Variants in ZDHHC14 observed in about 807,000 individuals in gnomAD.
ZDHHC14 encodes the protein zDHHC palmitoyltransferase 14, also known as palmitoyltransferase ZDHHC14.
ZDHHC14 carries 16 observed loss-of-function variants against 47.7 expected under a neutral mutation model. That is an observed-to-expected ratio of 0.34 (90% CI 0.23 to 0.51). The LOEUF is 0.51. ZDHHC14 is among the 20% of genes least tolerant of loss of function. ZDHHC14 has a pLI of 0.97. For synonymous variants in ZDHHC14, 293 were observed against 278.9 expected (o/e 1.05, Z -0.50); for missense variants, 515 against 662.5 (o/e 0.78, Z 2.44).
intron 1 of ZDHHC14, among the ~76,000 whole-genome samples, chr6:157,534,187 C>A (rs1326100216): frequency 6.6e-6 from 1 of 152,206 alleles, no homozygotes; most frequent in Non-Finnish European, 1.5e-5. Flanking sequence ...TCCCAAATCA[C>A]TACCCTGGAC....
chr6:157,630,505 C>T (rs1298308267), intron 4 of ZDHHC14: 1 of 152,148 alleles, frequency 6.6e-6, no homozygotes, highest in East Asian at 1.9e-4. Flanking sequence ...CTCATATATA[C>T]TCACCAATAC....
At chr6:157,655,501 G>A (rs752557853) in intron 8 of ZDHHC14, among the ~76,000 whole-genome samples, 4 of 152,216 alleles carry the variant, frequency 2.6e-5, no homozygotes, top group Non-Finnish European at 5.9e-5. Context: ...ACCATTCGCA[G>A]GTGCACAAGA....
chr6:157,662,904 T>C (rs1778405724), intron 8 of ZDHHC14, among the ~76,000 whole-genome samples: 1 of 152,252 alleles, frequency 6.6e-6, no homozygotes, highest in Non-Finnish European at 1.5e-5. Flanking sequence ...ATGTGTAATG[T>C]CTATGAGACA....
At chr6:157,620,166 G>T (rs1785130473) in intron 3 of ZDHHC14, among the ~76,000 whole-genome samples, 1 of 152,150 alleles carries the variant, frequency 6.6e-6, no homozygotes, top group Non-Finnish European at 1.5e-5. Flanking sequence ...GGTTCTGGAG[G>T]CTGGAAAGTC....
chr6:157,614,304 A>G (rs564265936), intron 3 of ZDHHC14, among the ~76,000 whole-genome samples: 1 of 150,840 alleles, frequency 6.6e-6, no homozygotes, highest in East Asian at 2.0e-4. Flanking sequence ...AGTCAACTTT[A>G]CCACATTTAC....
At chr6:157,525,074 C>G (rs1781109772) in intron 1 of ZDHHC14, among the ~76,000 whole-genome samples, 1 of 152,226 alleles carries the variant, frequency 6.6e-6, no homozygotes, top group Non-Finnish European at 1.5e-5. Flanking sequence ...GAGGATTCTC[C>G]TCTCAGCTCA....
chr6:157,514,492 A>G (rs1780607250), intron 1 of ZDHHC14, among the ~76,000 whole-genome samples: 1 of 152,228 alleles, frequency 6.6e-6, no homozygotes, highest in Non-Finnish European at 1.5e-5. Context: ...TGCCTATTAG[A>G]TTGCAGTGAT....
chr6:157,592,900 C>T (rs1783971382), intron 2 of ZDHHC14, 88 bp from the exon 3 acceptor site: 3 of 1,511,484 alleles, frequency 2.0e-6, no homozygotes, highest in East Asian at 2.4e-5. Flanking sequence ...TGCCTGCTGC[C>T]CTGGAGCTTA....
chr6:157,527,740 G>A (rs1304677955), intron 1 of ZDHHC14, among the ~76,000 whole-genome samples: 1 of 152,218 alleles, frequency 6.6e-6, no homozygotes, highest in Non-Finnish European at 1.5e-5. Flanking sequence ...TGGCAGCCAT[G>A]TAACGGTCTC....
At chr6:157,591,734 T>C (rs751645216) in intron 2 of ZDHHC14, among the ~76,000 whole-genome samples, 2 of 152,208 alleles carry the variant, frequency 1.3e-5, no homozygotes, top group Admixed American at 6.5e-5. Context: ...TGGTGTGGTG[T>C]GAGGGGACTG....
chr6:157,482,199 T>G (rs1779646527), intron 1 of ZDHHC14, among the ~76,000 whole-genome samples: 1 of 152,190 alleles, frequency 6.6e-6, no homozygotes, highest in South Asian at 2.1e-4. Flanking sequence ...CAGTTGGAGA[T>G]GTTTGGTTTG....
intron 1 of ZDHHC14, among the ~76,000 whole-genome samples, chr6:157,479,924 C>T (rs530689136): frequency 1.3e-5 from 2 of 152,302 alleles, no homozygotes; most frequent in African/African-American, 4.8e-5. Context: ...AAGTAGACAG[C>T]CCTTGCTGGG....
At chr6:157,449,864 G>A (rs148451027) in intron 1 of ZDHHC14, among the ~76,000 whole-genome samples, 110 of 152,196 alleles carry the variant, frequency 7.2e-4, no homozygotes, top group African/African-American at 2.5e-3. Context: ...TGGGCTTGAC[G>A]TCAGACAGAT....
intron 1 of ZDHHC14, among the ~76,000 whole-genome samples, chr6:157,414,614 G>C (rs986140285): frequency 3.3e-5 from 5 of 152,188 alleles, no homozygotes; most frequent in Non-Finnish European, 5.9e-5. Context: ...TCCAGGCCAA[G>C]AGACCTATGG....
chr6:157,490,113 G>A (rs241586), intron 1 of ZDHHC14, among the ~76,000 whole-genome samples: 39,123 of 152,062 alleles, frequency 0.26, 5,271 homozygotes, highest in East Asian at 0.4. Context: ...GAGAAACACG[G>A]TGGACGCTCA....
chr6:157,571,051 A>G (rs1234636727), intron 2 of ZDHHC14, among the ~76,000 whole-genome samples: 1 of 152,196 alleles, frequency 6.6e-6, no homozygotes, highest in Non-Finnish European at 1.5e-5. Flanking sequence ...TACTGGGGCC[A>G]TTCTATGTTT....
intron 1 of ZDHHC14, among the ~76,000 whole-genome samples, chr6:157,511,836 CTG>C (rs921554154): frequency 6.6e-6 from 1 of 152,118 alleles, no homozygotes. Flanking sequence ...TAGAGGACCT[CTG>C]TGTGTGTGTT....
intron 1 of ZDHHC14, among the ~76,000 whole-genome samples, chr6:157,402,136 G>T (rs544575750): frequency 8.6e-5 from 13 of 150,940 alleles, no homozygotes; most frequent in African/African-American, 2.7e-4. Flanking sequence ...CTAGTGAGAT[G>T]TGCGCCTGCT....
intron 3 of ZDHHC14, 58 bp downstream of exon 3, chr6:157,593,204 C>T (rs1582990518): frequency 6.5e-7 from 1 of 1,541,652 alleles, no homozygotes; most frequent in East Asian, 2.3e-5. Flanking sequence ...TGGGTTTGCG[C>T]CTCTCCAACC....
Sources: allele counts gnomAD v4.1 joint callset (sites outside exome capture counted in the v4.1 genomes callset), GRCh38; gene constraint gnomAD v4.1.1; transcripts MANE v1.5; gene names NCBI Gene and HGNC (gene_info 2026-07-23, HGNC 2026-07-21).